The following CNTNAP2 variants were observed in gnomAD, a reference collection of about 807,000 sequenced individuals.
The protein encoded by CNTNAP2 is contactin associated protein 2.
Under a neutral mutation model 155.2 loss-of-function variants are expected in CNTNAP2, and 98 were observed. The ratio of observed to expected loss-of-function variants is 0.63; its 90% CI spans 0.54 to 0.75. The LOEUF (loss-of-function observed/expected upper bound fraction) is 0.75. Among genes scored for constraint, CNTNAP2 ranks in the 30% least tolerant of loss-of-function variants. The pLI is 0.00. For synonymous variants in CNTNAP2, 651 were observed against 631.2 expected (o/e 1.03, Z -0.47); for missense variants, 1,727 against 1,688.1 (o/e 1.02, Z -0.40).
At chr7:147,201,735 A>C (rs1340817434) in intron 8 of CNTNAP2, among the ~76,000 whole-genome samples, 1 of 152,230 alleles carries the variant, frequency 6.6e-6, no homozygotes, top group Non-Finnish European at 1.5e-5. Flanking sequence ...GATAGAAATC[A>C]GTGCAGGGCA....
chr7:147,709,495 C>T lies in CNTNAP2; in HGVS notation c.2098+70189C>T, dbSNP rs184518225. ...TGCTGATACATGAAGTCTCAAATTTCATGGACGTGACATAAGGAAGGCAAC... is the reference window on the plus strand; with the variant it reads ...TGCTGATACATGAAGTCTCAAATTTTATGGACGTGACATAAGGAAGGCAAC... On this transcript the variant is annotated intron_variant, in intron 13 of 23. Transcript: ENST00000361727. 6.6e-5 allele frequency among the ~76,000 whole-genome samples: 10 copies of T among 152,248 alleles called. No homozygotes were observed. The East Asian group carries it at 1.5e-3, about 24-fold the overall frequency.
chr7:147,450,305 C>T (rs1378300057), intron 10 of CNTNAP2, among the ~76,000 whole-genome samples: 1 of 152,086 alleles, frequency 6.6e-6, no homozygotes, highest in Admixed American at 6.6e-5. Flanking sequence ...AGAAAGTGGC[C>T]CTGTCTGGCT....
intron 4 of CNTNAP2, among the ~76,000 whole-genome samples, chr7:147,064,141 TTAAAA>T (rs1799735770): frequency 6.6e-6 from 1 of 152,184 alleles, no homozygotes; most frequent in Non-Finnish European, 1.5e-5. Context: ...TAAAGTAGTA[TTAAAA>T]GGCTGACTTA....
chr7:146,483,328 T>TATGC (rs1459820598), intron 1 of CNTNAP2, among the ~76,000 whole-genome samples: 6 of 81,536 alleles, frequency 7.4e-5, no homozygotes, highest in African/African-American at 3.9e-4. Context: ...TATATATATA[T>TATGC]ACATATATAT....
rs1266479807 is a variant in CNTNAP2, at chr7:147,123,048, A to G, written c.939+1885A>G. On this transcript the variant is annotated intron_variant, in intron 6 of 23. Coordinates refer to ENST00000361727, the MANE Select transcript of CNTNAP2 (RefSeq NM_014141.6). ...TAAAAAATTTAGAGTAGAATATGCT[A>G]TATAAACACTGATGGAGACTTTATT... 5 of 152,272 alleles carry G rather than the reference A, an allele frequency of 3.3e-5. 1 individual carries two copies. The highest frequency in any genetic ancestry group is 9.6e-5 in the African/African-American group (4 of 41,562). The allele number at this position is 152,272 out of a possible 1,614,324, so 9.4% of individuals were successfully genotyped here.
intron 14 of CNTNAP2, among the ~76,000 whole-genome samples, chr7:147,959,209 G>A (rs895277585): frequency 2.0e-5 from 3 of 152,104 alleles, no homozygotes; most frequent in Admixed American, 1.3e-4. Context: ...AGTTCCCAGT[G>A]GTTGGCTCAA....
intron 2 of CNTNAP2, among the ~76,000 whole-genome samples, chr7:146,830,186 T>A (rs1450930552): frequency 6.6e-6 from 1 of 152,098 alleles, no homozygotes; most frequent in Non-Finnish European, 1.5e-5. Flanking sequence ...AAAAAATCTT[T>A]CCCAACCACA....
At chr7:147,158,602 C>T (rs1801969574) in intron 8 of CNTNAP2, among the ~76,000 whole-genome samples, 1 of 152,066 alleles carries the variant, frequency 6.6e-6, no homozygotes, top group African/African-American at 2.4e-5. Context: ...TGGTTTAATG[C>T]AAGCATTACC....
chr7:146,579,872 A>T lies in CNTNAP2; in HGVS notation c.98-194399A>T, dbSNP rs16883157. Reference sequence around the variant, plus strand: ...TTTCTTAGTGTACATAATATTGCAGAGAATAACCCCTTTCACTTTTAACCC... The same window carrying T: ...TTTCTTAGTGTACATAATATTGCAGTGAATAACCCCTTTCACTTTTAACCC... On this transcript the variant is annotated intron_variant, in intron 1 of 23. Coordinates refer to ENST00000361727, the MANE Select transcript of CNTNAP2 (RefSeq NM_014141.6). Among the ~76,000 whole-genome samples, 1,508 of 152,214 alleles carry T rather than the reference A, an allele frequency of 9.9e-3. 12 individuals carry two copies. Among genetic ancestry groups the T allele is most frequent in the Non-Finnish European group, 0.016 (1,088 of 67,990 alleles).
At chr7:148,062,944 G>T (rs1318110132) in intron 15 of CNTNAP2, among the ~76,000 whole-genome samples, 1 of 151,950 alleles carries the variant, frequency 6.6e-6, no homozygotes, top group Non-Finnish European at 1.5e-5. Flanking sequence ...ATCAATACAA[G>T]AAATGAAAAT....
chr7:147,923,384 T>C (rs1164253951), intron 14 of CNTNAP2, among the ~76,000 whole-genome samples: 1 of 152,074 alleles, frequency 6.6e-6, no homozygotes, highest in East Asian at 1.9e-4. Flanking sequence ...AACACCACGT[T>C]GGGAGGGAGG....
intron 1 of CNTNAP2, among the ~76,000 whole-genome samples, chr7:146,683,434 G>C (rs1414850678): frequency 6.6e-6 from 1 of 152,098 alleles, no homozygotes; most frequent in Non-Finnish European, 1.5e-5. Flanking sequence ...TCTCTTTATA[G>C]ATTATCTTCC....
intron 1 of CNTNAP2, among the ~76,000 whole-genome samples, chr7:146,445,919 A>C (rs563300450): frequency 1.2e-4 from 18 of 152,194 alleles, no homozygotes; most frequent in Non-Finnish European, 2.6e-4. Flanking sequence ...AATTTATTAC[A>C]GGCAACCCTA....
At chr7:148,070,999 C>T (rs1437508946) in intron 15 of CNTNAP2, among the ~76,000 whole-genome samples, 2 of 151,982 alleles carry the variant, frequency 1.3e-5, no homozygotes, top group African/African-American at 4.8e-5. Flanking sequence ...AAAATTTTCC[C>T]CACATAAATA....
intron 14 of CNTNAP2, among the ~76,000 whole-genome samples, chr7:147,945,014 GA>G (rs976032871): frequency 2.0e-5 from 3 of 151,938 alleles, no homozygotes; most frequent in African/African-American, 7.2e-5. Context: ...GAAATACACA[GA>G]AAAAAATATA....
chr7:147,033,570 C>T (rs1486184715), intron 3 of CNTNAP2, among the ~76,000 whole-genome samples: 1 of 151,726 alleles, frequency 6.6e-6, no homozygotes, highest in East Asian at 1.9e-4. Flanking sequence ...GGTTTTTGTA[C>T]ATCCAGAAAT....
rs142057053 is a variant in CNTNAP2, at chr7:147,746,889, A to G, written c.2098+107583A>G. ...GCCCACACTATTTTATTTTCCTTCT[A>G]GTTAATGATGCCTTGGGCTTTAGGG... On this transcript the variant is annotated intron_variant, in intron 13 of 23. Transcript: ENST00000361727. Among the ~76,000 whole-genome samples, 278 of 152,230 alleles carry G rather than the reference A, an allele frequency of 1.8e-3. 1 individual carries two copies. The highest frequency in any genetic ancestry group is 3.4e-3 in the Admixed American group (52 of 15,296).
intron 1 of CNTNAP2, among the ~76,000 whole-genome samples, chr7:146,576,061 A>C (rs1029666453): frequency 6.6e-6 from 1 of 152,158 alleles, no homozygotes; most frequent in Admixed American, 6.5e-5. Context: ...TCTGTTTGTA[A>C]TTTTCAGTGG....
chr7:147,709,909 G>A (rs1360703194), intron 13 of CNTNAP2, among the ~76,000 whole-genome samples: 2 of 151,866 alleles, frequency 1.3e-5, no homozygotes, highest in Non-Finnish European at 2.9e-5. Flanking sequence ...GCTCCTTTAT[G>A]TCCAACTAGT....
Sources: allele counts gnomAD v4.1 joint callset (sites outside exome capture counted in the v4.1 genomes callset), GRCh38; gene constraint gnomAD v4.1.1; transcripts MANE v1.5; gene names NCBI Gene and HGNC (gene_info 2026-07-23, HGNC 2026-07-21).